RARB: variants seen among roughly 807,000 people sequenced by gnomAD.
RARB encodes retinoic acid receptor beta.
Under a neutral mutation model 51.9 loss-of-function variants are expected in RARB, and 17 were observed. The ratio of observed to expected loss-of-function variants is 0.33; its 90% CI spans 0.22 to 0.49. RARB has a LOEUF of 0.49. Ranked by LOEUF, RARB falls within the 20% of genes least tolerant of loss-of-function variation. The pLI is 0.99. For synonymous variants in RARB, 215 were observed against 195.4 expected, an observed-to-expected ratio of 1.10 and a Z score of -0.84; for missense variants, 369 against 550.8, an observed-to-expected ratio of 0.67 and a Z score of 3.30.
intron 3 of RARB, among the ~76,000 whole-genome samples, chr3:25,073,779 A>G (rs1273363734): frequency 6.6e-6 from 1 of 152,368 alleles, no homozygotes; most frequent in East Asian, 1.9e-4. Context: ...GGCTTTGATA[A>G]GTTAGAAACC....
At chr3:25,554,320 C>T (rs1295662328) in intron 3 of RARB, among the ~76,000 whole-genome samples, 2 of 151,738 alleles carry the variant, frequency 1.3e-5, no homozygotes, top group Non-Finnish European at 2.9e-5. Context: ...TGATTTATTG[C>T]ACAAGCAACT....
At chr3:25,025,055 T>C (rs1199196163) in intron 2 of RARB, 1 of 151,984 alleles carries the variant, frequency 6.6e-6, no homozygotes, top group Non-Finnish European at 1.5e-5. Context: ...ATCTCAGAAG[T>C]TAAGCAGGAT....
chr3:24,877,345 A>ATTTTTTTTTTTTTTTTTT (rs1559379782), intron 2 of RARB, among the ~76,000 whole-genome samples: 3 of 17,752 alleles, frequency 1.7e-4, no homozygotes, highest in Admixed American at 6.3e-4. Flanking sequence ...AAGCAATCTT[A>ATTTTTTTTTTTTTTTTTT]CTTTTTTTTT....
rs138551005 is a variant in RARB, at chr3:25,276,812, T to A, written c.178+102237T>A. Among the ~76,000 whole-genome samples, 256 of 152,302 alleles carry A rather than the reference T, an allele frequency of 1.7e-3. 1 individual carries two copies. The highest frequency in any genetic ancestry group is 6.0e-3 in the African/African-American group (250 of 41,570). ...ACCAAGTTTTGTCAAACCAATCGCT[T>A]CATAAGACTGGTTGACAGGTCTCGG... is the stretch of plus-strand genomic sequence containing the variant. On this transcript the variant is annotated intron_variant, in intron 5 of 11. Coordinates refer to the RARB transcript ENST00000383772.
At chr3:25,508,074 T>C (rs1022351858) in intron 3 of RARB, among the ~76,000 whole-genome samples, 1 of 152,214 alleles carries the variant, frequency 6.6e-6, no homozygotes, top group African/African-American at 2.4e-5. Context: ...AAACATGTCT[T>C]TGATTTTGTT....
At chr3:24,924,795 G>A (rs374370825) in intron 2 of RARB, among the ~76,000 whole-genome samples, 18 of 152,220 alleles carry the variant, frequency 1.2e-4, no homozygotes, top group African/African-American at 3.4e-4. Flanking sequence ...GCTCTACCAC[G>A]TGTGGACTCA....
chr3:24,852,002 T>A lies in RARB; in HGVS notation c.-458-6672T>A, dbSNP rs1161656912. ...TTTCAAATATGTCTTGACTTTTGCA[T>A]AAATAACTCTTGCATTTACGTTTTG... On this transcript the variant is annotated intron_variant, in intron 1 of 11. Transcript: ENST00000383772. Among the ~76,000 whole-genome samples the A allele has an allele frequency of 2.0e-5, 3 of 152,244 alleles. No individual in the cohort carries two copies. The East Asian group carries it at 5.8e-4, about 29-fold the overall frequency.
At chr3:25,234,357 T>G (rs951813672) in intron 5 of RARB, among the ~76,000 whole-genome samples, 2 of 152,192 alleles carry the variant, frequency 1.3e-5, no homozygotes, top group Non-Finnish European at 2.9e-5. Flanking sequence ...GAGTCTGTAG[T>G]GATATCCTCT....
intron 2 of RARB, among the ~76,000 whole-genome samples, chr3:24,881,842 A>G (rs1703172690): frequency 6.6e-6 from 1 of 152,170 alleles, no homozygotes; most frequent in African/African-American, 2.4e-5. Flanking sequence ...CATTTTTTGA[A>G]CTGTTTGATT....
At chr3:25,079,084 T>G (rs1003198652) in intron 3 of RARB, among the ~76,000 whole-genome samples, 3 of 152,110 alleles carry the variant, frequency 2.0e-5, no homozygotes, top group Non-Finnish European at 2.9e-5. Context: ...ATTTTACAGT[T>G]TTCAGTGTTG....
At chr3:25,194,164 A>G (rs920357371) in intron 5 of RARB, among the ~76,000 whole-genome samples, 1 of 151,896 alleles carries the variant, frequency 6.6e-6, no homozygotes, top group African/African-American at 2.4e-5. Flanking sequence ...ATAGAAAAAT[A>G]CTTCACAGTC....
chr3:25,548,264 T>G (rs1430476472), intron 3 of RARB, among the ~76,000 whole-genome samples: 2 of 152,148 alleles, frequency 1.3e-5, no homozygotes, highest in Non-Finnish European at 2.9e-5. Flanking sequence ...AAATTAGATT[T>G]AAACACACTG....
intron 5 of RARB, among the ~76,000 whole-genome samples, chr3:25,205,093 G>A (rs889460016): frequency 6.6e-6 from 1 of 152,158 alleles, no homozygotes; most frequent in Non-Finnish European, 1.5e-5. Context: ...CTTCCTGGCT[G>A]CTTTGGTTAC....
At position 25,018,501 on chromosome 3, in the gene RARB, G is replaced by A. The variant is rs560370468; in HGVS notation, c.-379-41624G>A. The stretch of plus-strand genomic sequence containing the variant: ...TGACAATAGGCCTCAAAGTCTTGAT[G>A]ATTAGAAGGTATCTTCTTTATTAAA... On this transcript the variant is annotated intron_variant, in intron 2 of 11. Transcript: ENST00000383772. Among the ~76,000 whole-genome samples the A allele has an allele frequency of 2.6e-5, 4 of 152,262 alleles. No homozygotes were observed. The South Asian group carries it at 8.3e-4, about 32-fold the overall frequency.
At chr3:25,463,119 C>A (rs1695264952) in intron 2 of RARB, among the ~76,000 whole-genome samples, 1 of 152,120 alleles carries the variant, frequency 6.6e-6, no homozygotes, top group Admixed American at 6.5e-5. Context: ...GTGATCCTCC[C>A]ACCTTGGCCT....
chr3:25,515,741 T>TG (rs1479819985), intron 3 of RARB, among the ~76,000 whole-genome samples: 2 of 152,160 alleles, frequency 1.3e-5, no homozygotes, highest in East Asian at 3.8e-4. Flanking sequence ...AGAAGAATGG[T>TG]GGTTACCCTC....
At chr3:25,404,818 C>T (rs1707362225) in intron 5 of RARB, among the ~76,000 whole-genome samples, 1 of 152,228 alleles carries the variant, frequency 6.6e-6, no homozygotes, top group South Asian at 2.1e-4. Context: ...TCATACCAAA[C>T]TCCTCTTTAT....
intron 4 of RARB, among the ~76,000 whole-genome samples, chr3:25,135,146 T>C (rs552813164): frequency 6.6e-6 from 1 of 151,730 alleles, no homozygotes; most frequent in Non-Finnish European, 1.5e-5. Context: ...TCTGGGGTGG[T>C]AGAAATTGTT....
chr3:24,888,519 C>G (rs1359856305), intron 2 of RARB, among the ~76,000 whole-genome samples: 1 of 151,646 alleles, frequency 6.6e-6, no homozygotes, highest in Non-Finnish European at 1.5e-5. Context: ...AAAGCTAAGA[C>G]CCTATAATCA....
Sources: allele counts gnomAD v4.1 joint callset (sites outside exome capture counted in the v4.1 genomes callset), GRCh38; gene constraint gnomAD v4.1.1; transcripts MANE v1.5; gene names NCBI Gene and HGNC (gene_info 2026-07-23, HGNC 2026-07-21).